The following ACBD6 variants were observed in gnomAD, a reference collection of about 807,000 sequenced individuals.
ACBD6 encodes the protein acyl-CoA-binding domain-containing protein 6.
ACBD6 carries 28 observed loss-of-function variants against 37.2 expected under a neutral mutation model. That is an observed-to-expected ratio of 0.75 (90% CI 0.56 to 1.03). ACBD6 has a LOEUF of 1.03. ACBD6 is among the 50% of genes least tolerant of loss of function. The pLI is 0.00. For missense variants in ACBD6, 340 were observed against 337.4 expected, an observed-to-expected ratio of 1.01 and a Z score of -0.06; for synonymous variants, 113 against 126.8, an observed-to-expected ratio of 0.89 and a Z score of 0.73.
At chr1:180,408,458 G>T (rs1003330600) in intron 5 of ACBD6, among the ~76,000 whole-genome samples, 1 of 151,972 alleles carries the variant, frequency 6.6e-6, no homozygotes, top group African/African-American at 2.4e-5. Context: ...TCATAGGTGG[G>T]AATTGAACAA....
chr1:180,429,470 T>C (rs1349003364), intron 4 of ACBD6, among the ~76,000 whole-genome samples: 3 of 152,234 alleles, frequency 2.0e-5, no homozygotes, highest in South Asian at 2.1e-4. Flanking sequence ...TAATATTCCA[T>C]TGTATATACC....
intron 7 of ACBD6, among the ~76,000 whole-genome samples, chr1:180,288,730 T>C (rs1649584393): frequency 6.6e-6 from 1 of 152,210 alleles, no homozygotes; most frequent in Non-Finnish European, 1.5e-5. Context: ...TTTTTGGTTG[T>C]CTAGGAACAC....
At chr1:180,451,057 A>C (rs1387079356) in intron 3 of ACBD6, among the ~76,000 whole-genome samples, 1 of 152,224 alleles carries the variant, frequency 6.6e-6, no homozygotes, top group Non-Finnish European at 1.5e-5. Flanking sequence ...AATAACCAAT[A>C]AATTCATTCT....
chr1:180,296,247 C>T (rs1045275041), intron 7 of ACBD6, among the ~76,000 whole-genome samples: 3 of 152,126 alleles, frequency 2.0e-5, no homozygotes, highest in African/African-American at 7.2e-5. Flanking sequence ...GATGAAGAAA[C>T]TGCAGAAGAA....
At chr1:180,312,017 C>T (rs780409758) in intron 7 of ACBD6, among the ~76,000 whole-genome samples, 5 of 152,174 alleles carry the variant, frequency 3.3e-5, no homozygotes, top group Admixed American at 6.5e-5. Flanking sequence ...TTTGGAAGAA[C>T]AAGTCCTTCT....
chr1:180,456,608 T>A (rs1211003342), intron 3 of ACBD6, among the ~76,000 whole-genome samples: 1 of 152,202 alleles, frequency 6.6e-6, no homozygotes, highest in East Asian at 1.9e-4. Context: ...GACTGATACA[T>A]CATGAAACAG....
At chr1:180,435,918 GT>G in intron 3 of ACBD6, 5 of 1,382,772 alleles carry the variant, frequency 3.6e-6, no homozygotes, top group South Asian at 1.2e-5. Context: ...CACAAGCTTG[GT>G]TTAGGCCTGG....
intron 6 of ACBD6, among the ~76,000 whole-genome samples, chr1:180,377,949 A>AAAAAATAAT (rs1553300273): frequency 2.1e-5 from 3 of 143,390 alleles, no homozygotes; most frequent in Non-Finnish European, 3.0e-5. Context: ...CTCTGTCTCA[A>AAAAAATAAT]AATAATAATA....
intron 1 of ACBD6, among the ~76,000 whole-genome samples, chr1:180,497,694 T>C (rs901784958): frequency 1.5e-4 from 23 of 152,180 alleles, no homozygotes; most frequent in Admixed American, 4.6e-4. Flanking sequence ...GTGAGAAAAG[T>C]AGCACTGTTT....
At chr1:180,336,643 G>A (rs1290753222) in intron 6 of ACBD6, among the ~76,000 whole-genome samples, 1 of 150,882 alleles carries the variant, frequency 6.6e-6, no homozygotes, top group African/African-American at 2.4e-5. Context: ...GCTAGCAGAA[G>A]GCAAGAAATA....
chr1:180,496,748 C>T (rs1027583630), intron 1 of ACBD6, among the ~76,000 whole-genome samples: 4 of 152,072 alleles, frequency 2.6e-5, no homozygotes, highest in Non-Finnish European at 5.9e-5. Context: ...TGTATACTTA[C>T]ATAGAAGCAG....
intron 7 of ACBD6, among the ~76,000 whole-genome samples, chr1:180,314,149 AG>A (rs1402214686): frequency 1.3e-5 from 2 of 152,300 alleles, no homozygotes; most frequent in African/African-American, 2.4e-5. Flanking sequence ...GAATTTTCAA[AG>A]GGGGCTAGCA....
intron 6 of ACBD6, among the ~76,000 whole-genome samples, chr1:180,373,116 G>A (rs1335544659): frequency 1.1e-4 from 17 of 152,112 alleles, no homozygotes; most frequent in Admixed American, 1.1e-3. Context: ...TAAAGGAATA[G>A]CAGCAATGTA....
At chr1:180,418,753 C>T (rs967327254) in intron 4 of ACBD6, among the ~76,000 whole-genome samples, 2 of 152,128 alleles carry the variant, frequency 1.3e-5, no homozygotes, top group African/African-American at 4.8e-5. Context: ...GTTTTTGACT[C>T]TCAATCTTAC....
intron 7 of ACBD6, among the ~76,000 whole-genome samples, chr1:180,296,923 G>A (rs1204010737): frequency 2.0e-5 from 3 of 151,940 alleles, no homozygotes; most frequent in Non-Finnish European, 4.4e-5. Flanking sequence ...TCAGGAGATC[G>A]AAACCATCCT....
Position 180,338,441 on chromosome 1 carries a change from T to C in ACBD6, c.664-23719A>G, listed in dbSNP as rs963342539. Reference sequence around the variant, plus strand: ...AAGCAATGGGGAAAGGATTCCCTATTTAATAAATGGTGCTGGGAAAACTGG... The same window carrying C: ...AAGCAATGGGGAAAGGATTCCCTATCTAATAAATGGTGCTGGGAAAACTGG... On this transcript the variant is annotated intron_variant, in intron 6 of 7. Coordinates refer to ENST00000367595, the MANE Select transcript of ACBD6 (RefSeq NM_032360.4). 9.9e-5 allele frequency among the ~76,000 whole-genome samples: 15 copies of C among 152,174 alleles called. 1 individual carries two copies. Among genetic ancestry groups the C allele is most frequent in the Non-Finnish European group, 1.6e-4 (11 of 68,016 alleles).
intron 3 of ACBD6, among the ~76,000 whole-genome samples, chr1:180,486,713 CATTA>C (rs1161803227): frequency 6.6e-6 from 1 of 152,104 alleles, no homozygotes; most frequent in Non-Finnish European, 1.5e-5. Flanking sequence ...ACAAAGTACT[CATTA>C]ATTAATTACA....
At chr1:180,306,793 A>G (rs1489594659) in intron 7 of ACBD6, among the ~76,000 whole-genome samples, 3 of 152,280 alleles carry the variant, frequency 2.0e-5, no homozygotes, top group East Asian at 1.9e-4. Flanking sequence ...ATTTTTTGCA[A>G]TCTCTCCTTC....
chr1:180,383,141 T>G (rs558420853), intron 6 of ACBD6, among the ~76,000 whole-genome samples: 1 of 152,162 alleles, frequency 6.6e-6, no homozygotes, highest in African/African-American at 2.4e-5. Flanking sequence ...AAGCCAAGAA[T>G]GCCCACTTTC....
Sources: allele counts gnomAD v4.1 joint callset (sites outside exome capture counted in the v4.1 genomes callset), GRCh38; gene constraint gnomAD v4.1.1; transcripts MANE v1.5; gene names NCBI Gene and HGNC (gene_info 2026-07-23, HGNC 2026-07-21).